Variants in CNTN4 observed in about 807,000 individuals in gnomAD.
CNTN4 encodes contactin-4.
CNTN4 carries 77 observed loss-of-function variants against 122.5 expected under a neutral mutation model. That is an observed-to-expected ratio of 0.63 (90% CI 0.52 to 0.76). The LOEUF (loss-of-function observed/expected upper bound fraction) is 0.76. Ranked by LOEUF, CNTN4 falls within the 30% of genes least tolerant of loss-of-function variation. CNTN4 has a pLI of 0.00. For missense variants in CNTN4, 1,256 were observed against 1,259.1 expected, an observed-to-expected ratio of 1.00 and a Z score of 0.04; for synonymous variants, 512 against 447.0, an observed-to-expected ratio of 1.15 and a Z score of -1.83.
chr3:2,292,042 A>G (rs2042155112), intron 2 of CNTN4, among the ~76,000 whole-genome samples: 1 of 152,132 alleles, frequency 6.6e-6, no homozygotes, highest in Non-Finnish European at 1.5e-5. Flanking sequence ...GGCGAACTAT[A>G]ATATTTTAAT....
intron 4 of CNTN4, among the ~76,000 whole-genome samples, chr3:2,693,697 G>A (rs1052927683): frequency 2.6e-5 from 4 of 152,112 alleles, no homozygotes; most frequent in East Asian, 1.9e-4. Context: ...AATAGAGTAC[G>A]TATTTTAAAT....
intron 2 of CNTN4, among the ~76,000 whole-genome samples, chr3:2,234,063 T>C (rs1239813365): frequency 6.6e-6 from 1 of 152,156 alleles, no homozygotes; most frequent in Non-Finnish European, 1.5e-5. Context: ...ATAATTTGTC[T>C]GGTAGATTCT....
intron 2 of CNTN4, among the ~76,000 whole-genome samples, chr3:2,318,236 G>GAGTATGTGT (rs36012484): frequency 7.1e-6 from 1 of 141,554 alleles, no homozygotes; most frequent in Non-Finnish European, 1.6e-5. Flanking sequence ...AAAAAAAAAA[G>GAGTATGTGT]AGTATGTGTA....
chr3:2,959,309 T>G (rs2094829907), intron 13 of CNTN4, among the ~76,000 whole-genome samples: 1 of 152,224 alleles, frequency 6.6e-6, no homozygotes. Flanking sequence ...AGAGCAAGTT[T>G]TCAGAAGGCA....
intron 2 of CNTN4, among the ~76,000 whole-genome samples, chr3:2,197,308 A>G (rs747239580): frequency 1.6e-4 from 24 of 152,082 alleles, no homozygotes; most frequent in Non-Finnish European, 3.1e-4. Context: ...TTAAACTGCA[A>G]AAGCTGTCAT....
intron 3 of CNTN4, among the ~76,000 whole-genome samples, chr3:2,342,100 A>C (rs953590322): frequency 1.3e-5 from 2 of 152,238 alleles, no homozygotes; most frequent in African/African-American, 4.8e-5. Flanking sequence ...TATATCCATC[A>C]ACTAAGTAAA....
Position 2,398,717 on chromosome 3 carries a change from T to A in CNTN4, c.-89+59484T>A, listed in dbSNP as rs1353186866. On this transcript the variant is annotated intron_variant, in intron 3 of 24. Transcript: ENST00000418658. Reference sequence around the variant, plus strand: ...TCTCCAAAATCACATTTCTGGCCCATCATTGTTGGGGTGTATACCACGGAA... The same window carrying A: ...TCTCCAAAATCACATTTCTGGCCCAACATTGTTGGGGTGTATACCACGGAA... Among the ~76,000 whole-genome samples the A allele has an allele frequency of 6.6e-5, 10 of 152,260 alleles. No individual in the cohort carries two copies. In the East Asian group the frequency reaches 1.9e-3, roughly 29 times the overall value.
Position 2,709,321 on chromosome 3 carries a change from C to T in CNTN4, c.56-26894C>T, listed in dbSNP as rs1281862893. On this transcript the variant is annotated intron_variant, in intron 4 of 24. Coordinates refer to ENST00000418658, the MANE Select transcript of CNTN4 (RefSeq NM_175607.3). The surrounding 1 kb of genome is among the most constrained non-coding windows in gnomAD (Gnocchi z 5.0). ...ACAGTGTGATTCTCAACCTTGGCTG[C>T]ATATTAGAATCATCTGGGGGTCCTT... Among the ~76,000 whole-genome samples, 1 of 152,156 alleles carries T rather than the reference C, an allele frequency of 6.6e-6. No homozygotes were observed. Among genetic ancestry groups the T allele is most frequent in the Non-Finnish European group, 1.5e-5 (1 of 68,042 alleles).
intron 3 of CNTN4, among the ~76,000 whole-genome samples, chr3:2,525,869 A>G (rs2077379968): frequency 6.6e-6 from 1 of 152,168 alleles, no homozygotes; most frequent in Non-Finnish European, 1.5e-5. Flanking sequence ...CATATGTGCT[A>G]GCACACACAT....
rs143406224 is a variant in CNTN4, at chr3:2,722,170, C to A, written c.56-14045C>A. 1.3e-4 allele frequency among the ~76,000 whole-genome samples: 20 copies of A among 152,320 alleles called. No individual in the cohort carries two copies. The East Asian group carries it at 3.9e-3, about 29-fold the overall frequency. On this transcript the variant is annotated intron_variant, in intron 4 of 24. Transcript: ENST00000418658. ...AATTGCAGTGTTCTTCCTAGATTCT[C>A]TATTCCCTTTCTTGATATACTTAAC...
chr3:2,786,317 G>A (rs903386705), intron 6 of CNTN4, among the ~76,000 whole-genome samples: 1 of 152,298 alleles, frequency 6.6e-6, no homozygotes, highest in African/African-American at 2.4e-5. Context: ...AGCTAAAAGA[G>A]CACACTGTAA....
At chr3:2,235,228 A>G (rs534856371) in intron 2 of CNTN4, among the ~76,000 whole-genome samples, 6 of 152,318 alleles carry the variant, frequency 3.9e-5, no homozygotes, top group Non-Finnish European at 7.4e-5. Flanking sequence ...TGATGCCAAC[A>G]TTATCAATTT....
intron 4 of CNTN4, among the ~76,000 whole-genome samples, chr3:2,685,080 A>G (rs1373623153): frequency 6.6e-6 from 1 of 152,206 alleles, no homozygotes; most frequent in Non-Finnish European, 1.5e-5. Context: ...ATACATATAC[A>G]TTAAGATCAG....
At chr3:2,861,749 A>G (rs969944954) in intron 7 of CNTN4, among the ~76,000 whole-genome samples, 2 of 152,168 alleles carry the variant, frequency 1.3e-5, no homozygotes, top group African/African-American at 4.8e-5. Context: ...TGACCTTGCC[A>G]GTAACTACCC....
At chr3:2,119,930 A>C (rs945956724) in intron 2 of CNTN4, among the ~76,000 whole-genome samples, 6 of 152,180 alleles carry the variant, frequency 3.9e-5, no homozygotes, top group Admixed American at 3.9e-4. Flanking sequence ...GAGATAGTGC[A>C]TAATGTGGGC....
chr3:2,680,796 A>C (rs1320012661), intron 4 of CNTN4, among the ~76,000 whole-genome samples: 1 of 152,220 alleles, frequency 6.6e-6, no homozygotes, highest in Non-Finnish European at 1.5e-5. Context: ...AGTTTTATAC[A>C]TGTAAAAATA....
intron 6 of CNTN4, among the ~76,000 whole-genome samples, chr3:2,784,474 T>C (rs2091733476): frequency 6.6e-6 from 1 of 152,214 alleles, no homozygotes; most frequent in Admixed American, 6.5e-5. Flanking sequence ...TTAAGGTCTT[T>C]GCCTGAAGTC....
At chr3:2,940,060 G>A (rs139768541) in intron 13 of CNTN4, among the ~76,000 whole-genome samples, 3 of 152,274 alleles carry the variant, frequency 2.0e-5, no homozygotes, top group Non-Finnish European at 2.9e-5. Context: ...AAAGTCCCTG[G>A]GACAGATCAG....
chr3:2,245,627 A>G (rs73101938), intron 2 of CNTN4, among the ~76,000 whole-genome samples: 12,612 of 152,100 alleles, frequency 0.083, 859 homozygotes, highest in African/African-American at 0.19. Context: ...GAAATGTACC[A>G]TGTACATGTT....
Sources: allele counts gnomAD v4.1 joint callset (sites outside exome capture counted in the v4.1 genomes callset), GRCh38; gene constraint gnomAD v4.1.1; non-coding constraint Gnocchi (gnomAD v3.1); transcripts MANE v1.5; gene names NCBI Gene and HGNC (gene_info 2026-07-23, HGNC 2026-07-21).